Variants in FAM110B observed in about 807,000 individuals in gnomAD.
FAM110B encodes the protein protein FAM110B.
A neutral mutation model predicts 20.4 loss-of-function variants in FAM110B; 6 were observed. That is an observed-to-expected ratio of 0.29 (90% CI 0.16 to 0.58). FAM110B has a LOEUF of 0.58. Ranked by LOEUF, FAM110B falls within the 20% of genes least tolerant of loss-of-function variation. The pLI is 0.90. For synonymous variants in FAM110B, 226 were observed against 214.1 expected, an observed-to-expected ratio of 1.06 and a Z score of -0.49; for missense variants, 434 against 498.2, an observed-to-expected ratio of 0.87 and a Z score of 1.23.
chr8:58,022,706 A>G (rs1585818489), intron 1 of FAM110B, among the ~76,000 whole-genome samples: 2 of 152,324 alleles, frequency 1.3e-5, no homozygotes, highest in African/African-American at 2.4e-5. Flanking sequence ...GCATTGTTCT[A>G]CACTTGCTTA....
chr8:58,061,932 T>C (rs540562987), intron 2 of FAM110B, among the ~76,000 whole-genome samples: 3 of 152,328 alleles, frequency 2.0e-5, no homozygotes, highest in East Asian at 3.9e-4. Context: ...GAAAGAACCT[T>C]AAATAAGTGA....
intron 3 of FAM110B, among the ~76,000 whole-genome samples, chr8:58,135,524 A>G (rs1803589838): frequency 6.6e-6 from 1 of 152,246 alleles, no homozygotes; most frequent in Admixed American, 6.5e-5. Context: ...CAGAGTAAAT[A>G]TCATCTTCTG....
At chr8:58,130,784 C>A (rs73682160) in intron 3 of FAM110B, among the ~76,000 whole-genome samples, 4 of 152,276 alleles carry the variant, frequency 2.6e-5, no homozygotes, top group African/African-American at 9.6e-5. Flanking sequence ...AGAAGCAGTA[C>A]GTTCTTCCTC....
intron 3 of FAM110B, among the ~76,000 whole-genome samples, chr8:58,110,800 T>C (rs183358777): frequency 7.2e-5 from 11 of 152,298 alleles, no homozygotes; most frequent in African/African-American, 2.6e-4. Flanking sequence ...ATTTGAACAA[T>C]GATATGACAT....
intron 2 of FAM110B, among the ~76,000 whole-genome samples, chr8:58,068,755 G>A (rs1271363378): frequency 6.6e-6 from 1 of 152,090 alleles, no homozygotes; most frequent in Non-Finnish European, 1.5e-5. Flanking sequence ...TGCTAATTCT[G>A]TAGAACACAT....
chr8:58,106,887 T>C lies in FAM110B; in HGVS notation c.-325+31264T>C, dbSNP rs574077975. 2.0e-5 allele frequency among the ~76,000 whole-genome samples: 3 copies of C among 152,360 alleles called. No individual in the cohort carries two copies. The South Asian group carries it at 6.2e-4, about 32-fold the overall frequency. On this transcript the variant is annotated intron_variant, in intron 3 of 3. Transcript: ENST00000519262. ...AGTGTGTTTATGTTGTCAGTTACTG[T>C]TTTATAGTGTTCATTTCCCTTCACA...
intron 3 of FAM110B, among the ~76,000 whole-genome samples, chr8:58,118,954 C>G (rs374252004): frequency 6.6e-6 from 1 of 152,242 alleles, no homozygotes; most frequent in South Asian, 2.1e-4. Context: ...TCTTATATTA[C>G]TTCAAACATT....
At chr8:58,046,473 A>C (rs957865153) in intron 2 of FAM110B, among the ~76,000 whole-genome samples, 7 of 152,192 alleles carry the variant, frequency 4.6e-5, no homozygotes, top group Non-Finnish European at 7.3e-5. Flanking sequence ...AAGACTCATG[A>C]TTCCAGGTAT....
chr8:58,146,205 C>A lies in FAM110B; in HGVS notation c.-26C>A. Reference sequence around the variant, plus strand: ...GAGGCGCCCAGAAGAGCATCCAACACGGCTGCCGGGGAAAGACCGCCCACC... The same window carrying A: ...GAGGCGCCCAGAAGAGCATCCAACAAGGCTGCCGGGGAAAGACCGCCCACC... On this transcript the variant is annotated 5_prime_UTR_variant, in exon 4 of 4. Coordinates refer to ENST00000519262, the MANE Select transcript of FAM110B (RefSeq NM_001377989.1). 6.4e-7 allele frequency: 1 copy of A among 1,568,758 alleles called. No homozygotes were observed. The highest frequency in any genetic ancestry group is 8.7e-7 in the Non-Finnish European group (1 of 1,155,188).
At chr8:58,086,474 T>G (rs1266084501) in intron 3 of FAM110B, among the ~76,000 whole-genome samples, 1 of 152,216 alleles carries the variant, frequency 6.6e-6, no homozygotes, top group African/African-American at 2.4e-5. Context: ...CATTTTATGA[T>G]TATTAGACCC....
chr8:58,037,484 T>TAAA (rs1805101305), intron 2 of FAM110B, among the ~76,000 whole-genome samples: 1 of 146,024 alleles, frequency 6.8e-6, no homozygotes, highest in African/African-American at 2.6e-5. Context: ...AAAAAAAAAT[T>TAAA]AAAAATTATC....
chr8:58,083,234 T>C (rs1208849576), intron 3 of FAM110B, among the ~76,000 whole-genome samples: 1 of 152,088 alleles, frequency 6.6e-6, no homozygotes, highest in Non-Finnish European at 1.5e-5. Flanking sequence ...AGTCTATTGC[T>C]GGAGAAAGAA....
chr8:58,055,152 A>G (rs1585846915), intron 2 of FAM110B, among the ~76,000 whole-genome samples: 1 of 152,196 alleles, frequency 6.6e-6, no homozygotes, highest in Non-Finnish European at 1.5e-5. Flanking sequence ...ACATCAACCC[A>G]GGGCAGCCAG....
chr8:58,069,561 A>G (rs1314244655), intron 2 of FAM110B, among the ~76,000 whole-genome samples: 1 of 152,170 alleles, frequency 6.6e-6, no homozygotes, highest in Admixed American at 6.5e-5. Flanking sequence ...TTCCTTTTAC[A>G]ATAACTTCTG....
intron 1 of FAM110B, among the ~76,000 whole-genome samples, chr8:57,997,247 C>A (rs957534378): frequency 3.3e-5 from 5 of 152,142 alleles, no homozygotes; most frequent in African/African-American, 7.2e-5. Flanking sequence ...GTTTGCTGCC[C>A]CCCAAAACAT....
intron 2 of FAM110B, among the ~76,000 whole-genome samples, chr8:58,063,778 T>C (rs1357949172): frequency 6.6e-6 from 1 of 152,246 alleles, no homozygotes; most frequent in African/African-American, 2.4e-5. Context: ...CTATTAATTT[T>C]ATTTATATGC....
At chr8:58,125,076 A>AGTGGCTTATG (rs1275716769) in intron 3 of FAM110B, among the ~76,000 whole-genome samples, 1 of 152,216 alleles carries the variant, frequency 6.6e-6, no homozygotes, top group Non-Finnish European at 1.5e-5. Flanking sequence ...GGCCAGGTGC[A>AGTGGCTTATG]GTGGCTTATG....
intron 2 of FAM110B, among the ~76,000 whole-genome samples, chr8:58,072,242 A>G (rs980880028): frequency 3.9e-5 from 6 of 152,348 alleles, no homozygotes; most frequent in African/African-American, 1.2e-4. Context: ...AACATTGTCT[A>G]GAGTTCCTTT....
intron 1 of FAM110B, among the ~76,000 whole-genome samples, chr8:58,003,419 G>T (rs561430201): frequency 6.6e-6 from 1 of 152,300 alleles, no homozygotes; most frequent in East Asian, 1.9e-4. Flanking sequence ...ATGGTATTTA[G>T]AATGGTGAAT....
Sources: gnomAD v4.1 joint callset for allele counts (sites outside exome capture counted in the v4.1 genomes callset) on GRCh38, gnomAD v4.1.1 for gene constraint, MANE v1.5 for transcripts, NCBI Gene and HGNC (gene_info 2026-07-23, HGNC 2026-07-21) for gene names.